The following FAM174A variants were observed in gnomAD, a reference collection of about 807,000 sequenced individuals.
The protein encoded by FAM174A is membrane protein FAM174A.
FAM174A carries 14 observed loss-of-function variants against 14.3 expected under a neutral mutation model. The observed-to-expected ratio is 0.98, with a 90% CI of 0.65 to 1.53. The LOEUF is 1.53. FAM174A is among the 40% of genes most tolerant of loss of function. The pLI, the probability that FAM174A is intolerant of heterozygous loss-of-function variation, is 0.00. For synonymous variants in FAM174A, 108 were observed against 111.4 expected (o/e 0.97, Z 0.19); for missense variants, 241 against 249.6 (o/e 0.97, Z 0.23).
chr5:100,556,885 C>A (rs1580369093), intron 1 of FAM174A, among the ~76,000 whole-genome samples: 1 of 152,156 alleles, frequency 6.6e-6, no homozygotes, highest in Non-Finnish European at 1.5e-5. Flanking sequence ...ATGTCATCTG[C>A]AAACAGGGGC....
chr5:100,561,734 T>A (rs1746526402), intron 1 of FAM174A, among the ~76,000 whole-genome samples: 1 of 151,860 alleles, frequency 6.6e-6, no homozygotes, highest in Non-Finnish European at 1.5e-5. Flanking sequence ...AAGAAGTACC[T>A]GACCTAAGCC....
intron 2 of FAM174A, 148 bp from the exon 3 acceptor site, chr5:100,586,033 G>A: frequency 2.7e-6 from 1 of 371,364 alleles, no homozygotes; most frequent in Non-Finnish European, 5.1e-6. Context: ...AAATAAGCAT[G>A]TGTTATTGGT....
chr5:100,576,054 T>G (rs1402949375), intron 2 of FAM174A, among the ~76,000 whole-genome samples: 1 of 152,200 alleles, frequency 6.6e-6, no homozygotes, highest in Non-Finnish European at 1.5e-5. Context: ...GCTTACAATT[T>G]TATGAAACTA....
chr5:100,551,493 A>G (rs1746262157), intron 1 of FAM174A, among the ~76,000 whole-genome samples: 1 of 152,132 alleles, frequency 6.6e-6, no homozygotes, highest in African/African-American at 2.4e-5. Flanking sequence ...CTAGCTGGTC[A>G]TCCTTCCTTT....
chr5:100,536,389 G>C (rs954924339), intron 1 of FAM174A, among the ~76,000 whole-genome samples: 2 of 152,176 alleles, frequency 1.3e-5, no homozygotes, highest in Non-Finnish European at 2.9e-5. Context: ...TATTTAGTAG[G>C]TTTGTGAGTC....
rs1746876785 is a variant in FAM174A, at chr5:100,575,243, C to CTT, written c.570-10935_570-10934dup. ...AGAATATAATTAGTCTACAGTATAA[C>CTT]TTTTATATATATATATATTTTATTA... On this transcript the variant is annotated intron_variant, in intron 2 of 2. Transcript: ENST00000312637. 5.3e-5 allele frequency among the ~76,000 whole-genome samples: 8 copies of CTT among 151,592 alleles called. No homozygotes were observed. The South Asian group carries it at 1.7e-3, about 32-fold the overall frequency.
rs1273931555 is a variant in FAM174A, at chr5:100,566,923, C to T, written c.569+4735C>T. Among the ~76,000 whole-genome samples, 5 of 151,626 alleles carry T rather than the reference C, an allele frequency of 3.3e-5. 1 individual carries two copies. The South Asian group carries it at 8.3e-4, about 25-fold the overall frequency. On this transcript the variant is annotated intron_variant, in intron 2 of 2. Coordinates refer to ENST00000312637, the MANE Select transcript of FAM174A (RefSeq NM_198507.3). ...TGACTGCATGGGTTGAAGGAGACCA[C>T]GATAAAGAGTAAGGTGACAAAGAAG...
chr5:100,562,275 C>A (rs182576170), intron 2 of FAM174A, 87 bp downstream of exon 2: 5 of 1,221,680 alleles, frequency 4.1e-6, no homozygotes, highest in South Asian at 1.4e-5. Flanking sequence ...TTTCATTTAA[C>A]AGCTTATATT....
At chr5:100,569,811 C>CAT (rs1279813581) in intron 2 of FAM174A, among the ~76,000 whole-genome samples, 1 of 151,658 alleles carries the variant, frequency 6.6e-6, no homozygotes, top group Non-Finnish European at 1.5e-5. Context: ...ATTTAACAAT[C>CAT]ATATATACAC....
chr5:100,585,709 C>T (rs1016456932), intron 2 of FAM174A, among the ~76,000 whole-genome samples: 10 of 152,092 alleles, frequency 6.6e-5, no homozygotes, highest in African/African-American at 2.4e-4. Context: ...CCATCACGCC[C>T]GGCCTTTTTT....
chr5:100,584,507 C>T (rs1747089421), intron 2 of FAM174A, among the ~76,000 whole-genome samples: 1 of 152,042 alleles, frequency 6.6e-6, no homozygotes, highest in African/African-American at 2.4e-5. Flanking sequence ...TTAAGCCAAA[C>T]CTCTTTCTGA....
intron 2 of FAM174A, among the ~76,000 whole-genome samples, chr5:100,565,135 A>T (rs1021400816): frequency 6.6e-6 from 1 of 151,914 alleles, no homozygotes; most frequent in African/African-American, 2.4e-5. Context: ...ACCCAAATTC[A>T]GCAGCATATT....
At chr5:100,558,740 A>T (rs1331761618) in intron 1 of FAM174A, among the ~76,000 whole-genome samples, 2 of 151,922 alleles carry the variant, frequency 1.3e-5, no homozygotes, top group Non-Finnish European at 2.9e-5. Context: ...AGTCTGTTTT[A>T]TCAGAGACTA....
chr5:100,559,436 G>T (rs1335601606), intron 1 of FAM174A, among the ~76,000 whole-genome samples: 1 of 151,968 alleles, frequency 6.6e-6, no homozygotes, highest in East Asian at 1.9e-4. Context: ...TCTTCTCGAG[G>T]AGTATCTTTG....
intron 2 of FAM174A, among the ~76,000 whole-genome samples, chr5:100,566,690 A>G (rs761326716): frequency 1.3e-5 from 2 of 151,888 alleles, no homozygotes; most frequent in Admixed American, 6.6e-5. Context: ...CATCATGCAC[A>G]TCATAACATC....
chr5:100,579,463 C>T (rs375525846), intron 2 of FAM174A, among the ~76,000 whole-genome samples: 1 of 152,018 alleles, frequency 6.6e-6, no homozygotes, highest in East Asian at 1.9e-4. Context: ...TCGGTCTTGT[C>T]ACCCAGGCTG....
chr5:100,570,179 A>G (rs886844958), intron 2 of FAM174A, among the ~76,000 whole-genome samples: 1 of 151,860 alleles, frequency 6.6e-6, no homozygotes, highest in African/African-American at 2.4e-5. Flanking sequence ...CCACATTTCT[A>G]CCACATAACA....
chr5:100,581,814 G>T (rs1466380606), intron 2 of FAM174A, among the ~76,000 whole-genome samples: 9 of 152,102 alleles, frequency 5.9e-5, no homozygotes, highest in Non-Finnish European at 1.2e-4. Flanking sequence ...GAGAGAGCTG[G>T]TCATACAGTC....
chr5:100,567,856 A>C (rs1299656416), intron 2 of FAM174A, among the ~76,000 whole-genome samples: 1 of 151,870 alleles, frequency 6.6e-6, no homozygotes, highest in East Asian at 1.9e-4. Flanking sequence ...ATTTTTATGC[A>C]CCTGTTTAAG....
Sources: allele counts gnomAD v4.1 joint callset (sites outside exome capture counted in the v4.1 genomes callset), GRCh38; gene constraint gnomAD v4.1.1; transcripts MANE v1.5; gene names NCBI Gene and HGNC (gene_info 2026-07-23, HGNC 2026-07-21).